Variants in SLC4A10 observed in about 807,000 individuals in gnomAD.
SLC4A10 encodes the protein sodium-driven chloride bicarbonate exchanger.
A neutral mutation model predicts 137.7 loss-of-function variants in SLC4A10; 42 were observed. That is an observed-to-expected ratio of 0.30 (90% CI 0.24 to 0.39). The LOEUF is 0.39. SLC4A10 is among the 10% of genes least tolerant of loss of function. SLC4A10 has a pLI of 1.00. For synonymous variants in SLC4A10, 474 were observed against 464.1 expected (o/e 1.02, Z -0.27); for missense variants, 925 against 1,355.0 (o/e 0.68, Z 4.98).
chr2:161,872,300 G>T lies in SLC4A10; in HGVS notation c.774G>T (p.Gln258His), dbSNP rs1480113881. 1 of 1,613,156 alleles carries T rather than the reference G, an allele frequency of 6.2e-7. No individual in the cohort carries two copies. Among genetic ancestry groups the T allele is most frequent in the East Asian group, 2.2e-5 (1 of 44,810 alleles). Residue 258 changes from glutamine to histidine, a missense_variant, in exon 7 of 27, where the codon CAG becomes CAT. Transcript: ENST00000446997. ...EPNSMDKNAG[Q>H]VVSPQSAPAC... ...CACAACAATCTCTTTTAGCAGGTCA[G>T]GTTGTTTCTCCTCAGTCTGCTCCAG... is the stretch of plus-strand genomic sequence containing the variant.
At chr2:161,628,091 AGTATGAAGCCT>A (rs1249912442) in intron 1 of SLC4A10, among the ~76,000 whole-genome samples, 1 of 152,158 alleles carries the variant, frequency 6.6e-6, no homozygotes, top group East Asian at 1.9e-4. Flanking sequence ...GCCTTTTAAA[AGTATGAAGCCT>A]GATATTTAGG....
chr2:161,781,824 C>CA (rs2125477617), intron 2 of SLC4A10, among the ~76,000 whole-genome samples: 1 of 152,182 alleles, frequency 6.6e-6, no homozygotes, highest in South Asian at 2.1e-4. Flanking sequence ...TGGGTGAATG[C>CA]AAAATCAGAT....
chr2:161,700,624 T>C (rs998070070), intron 1 of SLC4A10, among the ~76,000 whole-genome samples: 1 of 152,084 alleles, frequency 6.6e-6, no homozygotes, highest in Non-Finnish European at 1.5e-5. Context: ...TTCTTTAACC[T>C]TCAAAATAGC....
intron 1 of SLC4A10, among the ~76,000 whole-genome samples, chr2:161,689,292 C>G (rs990914101): frequency 1.3e-5 from 2 of 152,146 alleles, no homozygotes; most frequent in African/African-American, 2.4e-5. Flanking sequence ...CACTCGCTGA[C>G]TCACCCAGAG....
At position 161,950,844 on chromosome 2, in the gene SLC4A10, T is replaced by G; in HGVS notation, c.2537T>G (p.Leu846Arg). 1 of 1,591,814 alleles carries G rather than the reference T, an allele frequency of 6.3e-7. No individual in the cohort carries two copies. The highest frequency in any genetic ancestry group is 8.6e-7 in the Non-Finnish European group (1 of 1,168,868). The change falls in exon 19 of 27, where the codon CTA becomes CGA. Residue 846 changes from leucine (L) to arginine (R), a missense_variant. Around this residue, in one of 11 missense-constraint regions of SLC4A10, gnomAD observed 82 missense variants for 151.4 expected, o/e 0.54. Transcript: ENST00000446997. ...AVIINRKEHK[L>R]KKGCGYHLDL... The stretch of plus-strand genomic sequence containing the variant: ...ATCATCAACAGGAAAGAGCATAAGC[T>G]AAAGGTATATTTTAACATCCATTTT...
chr2:161,819,069 G>A (rs150170895), intron 3 of SLC4A10, among the ~76,000 whole-genome samples: 418 of 152,230 alleles, frequency 2.7e-3, no homozygotes, highest in African/African-American at 9.3e-3. Flanking sequence ...TTACTCCAAC[G>A]TATAAGCAAC....
intron 1 of SLC4A10, among the ~76,000 whole-genome samples, chr2:161,682,612 A>G (rs1343447462): frequency 6.6e-6 from 1 of 151,384 alleles, no homozygotes; most frequent in Non-Finnish European, 1.5e-5. Context: ...TTTGCTTATA[A>G]TTTTGCAATC....
intron 1 of SLC4A10, among the ~76,000 whole-genome samples, chr2:161,724,418 G>A (rs2046007398): frequency 6.6e-6 from 1 of 152,166 alleles, no homozygotes; most frequent in Non-Finnish European, 1.5e-5. Context: ...TGAGGCATTG[G>A]TAGTTTCGTC....
chr2:161,876,549 G>A (rs764095487), intron 8 of SLC4A10, among the ~76,000 whole-genome samples: 9 of 151,920 alleles, frequency 5.9e-5, no homozygotes, highest in Non-Finnish European at 1.0e-4. Context: ...GCATGGTGGC[G>A]CACCTGTAGT....
At chr2:161,879,988 A>G (rs2061665130) in intron 9 of SLC4A10, among the ~76,000 whole-genome samples, 1 of 151,994 alleles carries the variant, frequency 6.6e-6, no homozygotes, top group Non-Finnish European at 1.5e-5. Context: ...CTAAAACTGT[A>G]AAAAAAAGAA....
chr2:161,950,229 T>C (rs1214248847), intron 18 of SLC4A10, among the ~76,000 whole-genome samples: 2 of 152,154 alleles, frequency 1.3e-5, no homozygotes, highest in African/African-American at 2.4e-5. Context: ...CTCTGATTTA[T>C]CTTTGTATCT....
chr2:161,794,126 A>C (rs1276783869), intron 2 of SLC4A10, among the ~76,000 whole-genome samples: 4 of 152,114 alleles, frequency 2.6e-5, no homozygotes, highest in Non-Finnish European at 4.4e-5. Context: ...AGGGTTTATA[A>C]ATATGAATCC....
At chr2:161,907,386 C>T (rs1314719804) in intron 15 of SLC4A10, among the ~76,000 whole-genome samples, 1 of 152,156 alleles carries the variant, frequency 6.6e-6, no homozygotes, top group East Asian at 1.9e-4. Context: ...AAGAGAATCT[C>T]ACTGAATTTG....
chr2:161,939,420 T>C (rs1009001364), intron 15 of SLC4A10, among the ~76,000 whole-genome samples: 5 of 152,170 alleles, frequency 3.3e-5, no homozygotes, highest in Non-Finnish European at 7.3e-5. Flanking sequence ...TCCTCTTCAC[T>C]CTACCTCCCT....
chr2:161,751,621 G>A (rs1483489391), intron 1 of SLC4A10, among the ~76,000 whole-genome samples: 3 of 151,638 alleles, frequency 2.0e-5, no homozygotes, highest in Non-Finnish European at 4.4e-5. Context: ...TGTGGGAGGA[G>A]GGAAAGTCAT....
At chr2:161,798,461 G>A (rs950909978) in intron 2 of SLC4A10, among the ~76,000 whole-genome samples, 8 of 151,494 alleles carry the variant, frequency 5.3e-5, no homozygotes, top group Non-Finnish European at 1.0e-4. Context: ...TTTCCTCACC[G>A]CATTTTATAA....
chr2:161,767,148 T>G lies in SLC4A10; in HGVS notation c.49-3825T>G, dbSNP rs1433254105. 6.2e-3 allele frequency among the ~76,000 whole-genome samples: 712 copies of G among 114,628 alleles called. 2 individuals are homozygous for G. Among genetic ancestry groups the G allele is most frequent in the Non-Finnish European group, 0.011 (581 of 54,982 alleles). 75.2% of individuals were successfully genotyped at this position (114,628 alleles called of 152,430 possible). ...ATATATATATATATATATGTGTGTGTGTGTGTGTGTGTGTGTTTTATTTAT... is the reference window on the plus strand; with the variant it reads ...ATATATATATATATATATGTGTGTGGGTGTGTGTGTGTGTGTTTTATTTAT... On this transcript the variant is annotated intron_variant, in intron 1 of 26. Transcript: ENST00000446997.
intron 11 of SLC4A10, among the ~76,000 whole-genome samples, chr2:161,897,094 A>G (rs1421188388): frequency 1.3e-5 from 2 of 152,062 alleles, no homozygotes; most frequent in Non-Finnish European, 2.9e-5. Context: ...TAATTCTTAT[A>G]TTTGTATTGC....
intron 1 of SLC4A10, among the ~76,000 whole-genome samples, chr2:161,682,667 C>G (rs184972260): frequency 6.6e-6 from 1 of 151,826 alleles, no homozygotes; most frequent in South Asian, 2.1e-4. Context: ...ACTGTGGGTT[C>G]CATGTGTGTG....
Sources: allele counts gnomAD v4.1 joint callset (sites outside exome capture counted in the v4.1 genomes callset), GRCh38; gene constraint gnomAD v4.1.1; regional missense constraint gnomAD v4.1.1; transcripts MANE v1.5; gene names NCBI Gene and HGNC (gene_info 2026-07-23, HGNC 2026-07-21).